The following DOCK9 variants were observed in gnomAD, a reference collection of about 807,000 sequenced individuals.
DOCK9 encodes dedicator of cytokinesis 9.
Under a neutral mutation model 263.3 loss-of-function variants are expected in DOCK9, and 89 were observed. That is an observed-to-expected ratio of 0.34 (90% CI 0.28 to 0.40). The LOEUF (loss-of-function observed/expected upper bound fraction) is 0.40. DOCK9 is among the 10% of genes least tolerant of loss of function. DOCK9 has a pLI of 1.00. For missense variants in DOCK9, 2,140 were observed against 2,603.4 expected (o/e 0.82, Z 3.87); for synonymous variants, 976 against 973.1 (o/e 1.00, Z -0.06).
intron 1 of DOCK9, among the ~76,000 whole-genome samples, chr13:99,036,371 T>G (rs1439475048): frequency 6.6e-6 from 1 of 152,086 alleles, no homozygotes; most frequent in Non-Finnish European, 1.5e-5. Context: ...CCAGAGAGCT[T>G]GCTAGCTCTC....
At chr13:98,891,368 T>C (rs1168847865) in intron 15 of DOCK9, among the ~76,000 whole-genome samples, 3 of 152,194 alleles carry the variant, frequency 2.0e-5, no homozygotes, top group Non-Finnish European at 2.9e-5. Flanking sequence ...CTCCACAAAA[T>C]TGTAGAGACA....
Position 98,925,866 on chromosome 13 carries a change from A to G in DOCK9, c.387T>C (p.Asp129=). Residue 129 remains aspartate, a synonymous_variant, in exon 4 of 53, where the codon GAT becomes GAC. Transcript: ENST00000682017. ...DWHLVNYKYE[D]YSGEFRQLPN... ...GAAGCTGTCGAAACTCTCCTGAGTA[A>G]TCTTCATATTTATAGTTCACAAGAT... The G allele has an allele frequency of 1.3e-6, 2 of 1,582,796 alleles. No individual in the cohort carries two copies. Among genetic ancestry groups the G allele is most frequent in the Non-Finnish European group, 1.7e-6 (2 of 1,163,338 alleles).
upstream of DOCK9, among the ~76,000 whole-genome samples, chr13:98,982,046 G>A (rs142416292): frequency 2.0e-5 from 3 of 152,248 alleles, no homozygotes; most frequent in Non-Finnish European, 2.9e-5. Context: ...CTATGAACAC[G>A]TATGAAAGGT....
chr13:99,045,525 G>C (rs935451601), intron 1 of DOCK9, among the ~76,000 whole-genome samples: 2 of 152,036 alleles, frequency 1.3e-5, no homozygotes, highest in Non-Finnish European at 2.9e-5. Context: ...AGAGATGTTG[G>C]TAAAAAGATA....
intron 44 of DOCK9, among the ~76,000 whole-genome samples, chr13:98,826,372 C>T (rs1331511248): frequency 6.6e-6 from 1 of 152,208 alleles, no homozygotes; most frequent in East Asian, 1.9e-4. Flanking sequence ...CACTCCTCGC[C>T]CCCTCTCCTT....
Position 98,831,508 on chromosome 13 carries a change from C to G in DOCK9, c.4475G>C (p.Gly1492Ala). 2.5e-6 allele frequency: 4 copies of G among 1,587,866 alleles called. No individual in the cohort carries two copies. The highest frequency in any genetic ancestry group is 3.4e-6 in the Non-Finnish European group (4 of 1,166,582). The part of the protein sequence containing the change: ...IYKFPSTFYE[G>A]RADMCAALCY... The stretch of plus-strand genomic sequence containing the variant: ...CAGAGCCGCACACATGTCCGCTCTC[C>G]CTTCATAGAATGTTGAGGGAAACTA... Residue 1492 changes from glycine to alanine, a missense_variant, in exon 41 of 53, where the codon GGG (glycine) becomes GCG (alanine). Physicochemically the swap from Gly to Ala is moderately conservative, Grantham distance 60. Around this residue, in one of 2 missense-constraint regions of DOCK9, gnomAD observed 619 missense variants for 861.8 expected, o/e 0.72. Transcript: ENST00000682017.
chr13:98,995,599 C>T (rs1436583035), intron 1 of DOCK9, among the ~76,000 whole-genome samples: 10 of 151,380 alleles, frequency 6.6e-5, no homozygotes, highest in Admixed American at 6.6e-4. Flanking sequence ...CACCATTCTC[C>T]TGCCTCAGCC....
Position 98,977,858 on chromosome 13 carries a change from C to G in DOCK9, c.52G>C (p.Val18Leu). 6.2e-7 allele frequency: 1 copy of G among 1,605,784 alleles called. No homozygotes were observed. Among genetic ancestry groups the G allele is most frequent in the African/African-American group, 1.3e-5 (1 of 74,952 alleles). The change falls in exon 1 of 53, where the codon GTG becomes CTG. Residue 18 changes from valine (V) to leucine (L), a missense_variant. Val to Leu is a conservative substitution (Grantham distance 32). Around this residue, in one of 2 missense-constraint regions of DOCK9, gnomAD observed 1,521 missense variants for 1,741.7 expected, o/e 0.87. Coordinates refer to ENST00000682017, the MANE Select transcript of DOCK9 (RefSeq NM_001366683.2). ...TTGTATTGCAGGGGGGACTCAATCA[C>G]CAGTTCCTTTTTGACACTTCTACTA... ...TSSRSVKKEL[V>L]IESPLQYKDA...
intron 1 of DOCK9, among the ~76,000 whole-genome samples, chr13:99,053,066 T>C (rs2040774356): frequency 6.6e-6 from 1 of 152,200 alleles, no homozygotes; most frequent in South Asian, 2.1e-4. Context: ...TCCCAATTTC[T>C]TGGTTGTCTC....
rs752633742 is a variant in DOCK9 at position 98,794,636 on chromosome 13, G to A, written c.6269C>T (p.Ser2090Leu). The A allele has an allele frequency of 6.9e-6, 11 of 1,601,976 alleles. No individual in the cohort carries two copies. Among genetic ancestry groups the A allele is most frequent in the South Asian group, 3.4e-5 (3 of 88,766 alleles). ...TMVHGMTSSS[S>L]VV ...GGCCATGAGATGTAATCACACGACC[G>A]AAGACGAGCTGGTCATCCCGTGAAC... The change falls in exon 53 of 53, where the codon TCG becomes TTG. Residue 2090 changes from serine (S) to leucine (L), a missense_variant. Ser to Leu is a moderately radical substitution (Grantham distance 145). Around this residue, in one of 2 missense-constraint regions of DOCK9, gnomAD observed 619 missense variants for 861.8 expected, o/e 0.72. Coordinates refer to ENST00000682017, the MANE Select transcript of DOCK9 (RefSeq NM_001366683.2).
At chr13:99,007,700 G>A (rs1318507948) in intron 1 of DOCK9, among the ~76,000 whole-genome samples, 1 of 152,148 alleles carries the variant, frequency 6.6e-6, no homozygotes, top group Non-Finnish European at 1.5e-5. Flanking sequence ...AGAAGCAGAG[G>A]CAAAATTAGT....
At chr13:98,986,731 A>C (rs1878546517) in intron 1 of DOCK9, among the ~76,000 whole-genome samples, 1 of 152,222 alleles carries the variant, frequency 6.6e-6, no homozygotes, top group African/African-American at 2.4e-5. Context: ...GCCAAGAAAT[A>C]GAAAACACTG....
At chr13:99,017,262 C>G (rs1444827887) in intron 1 of DOCK9, among the ~76,000 whole-genome samples, 7 of 152,176 alleles carry the variant, frequency 4.6e-5, no homozygotes, top group African/African-American at 1.7e-4. Flanking sequence ...AGATAAACAA[C>G]TAGAAACTCA....
intron 1 of DOCK9, among the ~76,000 whole-genome samples, chr13:99,005,441 GCA>G (rs1257172591): frequency 6.6e-6 from 1 of 152,032 alleles, no homozygotes; most frequent in Non-Finnish European, 1.5e-5. Flanking sequence ...CTTTTGCAGG[GCA>G]CAGAGAACAC....
At chr13:98,897,966 G>A (rs1595098076) in intron 14 of DOCK9, among the ~76,000 whole-genome samples, 4 of 152,138 alleles carry the variant, frequency 2.6e-5, no homozygotes, top group East Asian at 1.9e-4. Flanking sequence ...TAACACTACC[G>A]TGCACCCTGC....
intron 1 of DOCK9, among the ~76,000 whole-genome samples, chr13:99,021,700 T>C (rs1239373925): frequency 6.8e-6 from 1 of 147,462 alleles, no homozygotes; most frequent in Non-Finnish European, 1.5e-5. Flanking sequence ...AGAGTTAAGA[T>C]AGCTTGTAAA....
At chr13:99,067,967 T>C (rs1387518499) in intron 1 of DOCK9, among the ~76,000 whole-genome samples, 3 of 149,764 alleles carry the variant, frequency 2.0e-5, no homozygotes, top group Non-Finnish European at 4.4e-5. Flanking sequence ...CTCTCCCCCA[T>C]CAAATAGAGT....
chr13:99,082,192 C>T (rs1052940337), intron 1 of DOCK9, among the ~76,000 whole-genome samples: 1 of 152,072 alleles, frequency 6.6e-6, no homozygotes, highest in African/African-American at 2.4e-5. Context: ...TACACTCCAG[C>T]CTGGGTGACA....
At chr13:98,897,928 T>C (rs2047675752) in intron 14 of DOCK9, among the ~76,000 whole-genome samples, 1 of 152,206 alleles carries the variant, frequency 6.6e-6, no homozygotes, top group South Asian at 2.1e-4. Context: ...AGGCATGTGG[T>C]TGGGTCCTTG....
Sources: gnomAD v4.1 joint callset for allele counts (sites outside exome capture counted in the v4.1 genomes callset) on GRCh38, gnomAD v4.1.1 for gene constraint, gnomAD v4.1.1 regional missense constraint, MANE v1.5 for transcripts, NCBI Gene and HGNC (gene_info 2026-07-23, HGNC 2026-07-21) for gene names.